COA6: variants seen among roughly 807,000 people sequenced by gnomAD.
COA6 encodes cytochrome c oxidase assembly factor 6 homolog.
Under a neutral mutation model 17.1 loss-of-function variants are expected in COA6, and 12 were observed. The observed-to-expected ratio is 0.70, with a 90% CI of 0.45 to 1.14. COA6 has a LOEUF of 1.14. COA6 is among the 50% of genes most tolerant of loss of function. The pLI is 0.00. For synonymous variants in COA6, 90 were observed against 73.4 expected (o/e 1.23, Z -1.16); for missense variants, 246 against 196.5 (o/e 1.25, Z -1.51).
Position 234,376,442 on chromosome 1 carries a change from ACT to A in COA6, c.372+2056_372+2057del, listed in dbSNP as rs146416567. 1.9e-3 allele frequency among the ~76,000 whole-genome samples: 296 copies of A among 151,924 alleles called. 1 individual carries two copies. The highest frequency in any genetic ancestry group is 7.0e-3 in the African/African-American group (292 of 41,422). ...AACATGAATTGAGTACATCCTCTAC[ACT>A]CTACACTCTACACACTTGAAATGTG... On this transcript the variant is annotated intron_variant, in intron 2 of 2. Transcript: ENST00000366615.
Position 234,374,394 on chromosome 1 carries a change from G to T in COA6, c.372+5G>T, listed in dbSNP as rs1321640714. ...TCAAGTTGTCCCCAACAGTGGGTAA[G>T]TCACACTTTGATGTGTTTCTCTTCC... On this transcript the variant is annotated splice_donor_5th_base_variant and intron_variant, in intron 2 of 2. Transcript: ENST00000366615. 2 of 1,613,892 alleles carry T rather than the reference G, an allele frequency of 1.2e-6. No individual in the cohort carries two copies. Among genetic ancestry groups the T allele is most frequent in the Admixed American group, 3.3e-5 (2 of 59,966 alleles).
chr1:234,379,476 G>T (rs1658908055), intron 2 of COA6, among the ~76,000 whole-genome samples: 1 of 152,148 alleles, frequency 6.6e-6, no homozygotes, highest in Non-Finnish European at 1.5e-5. Context: ...AGGAACAGAG[G>T]CCATGGTATT....
At chr1:234,373,978 C>T (rs1658699801) in intron 1 of COA6, 6 of 1,135,970 alleles carry the variant, frequency 5.3e-6, no homozygotes, top group Admixed American at 5.4e-5. Flanking sequence ...TGAGCCCACG[C>T]TGCCGCCCCA....
intron 2 of COA6, among the ~76,000 whole-genome samples, chr1:234,381,125 A>G (rs1317341511): frequency 1.3e-5 from 2 of 152,234 alleles, no homozygotes. Context: ...CTTTGATCTT[A>G]ATATCAAATT....
At chr1:234,375,479 A>G (rs144291398) in intron 2 of COA6, among the ~76,000 whole-genome samples, 15 of 152,258 alleles carry the variant, frequency 9.9e-5, no homozygotes, top group African/African-American at 3.4e-4. Context: ...AAAATATACC[A>G]TGTAGTTGGA....
rs1157423301 is a variant in COA6 at position 234,373,727 on chromosome 1, G to A, written c.212+49G>A. 1.9e-6 allele frequency: 3 copies of A among 1,613,770 alleles called. No homozygotes were observed. In the African/African-American group the frequency reaches 4.0e-5, roughly 22 times the overall value. Reference sequence around the variant, plus strand: ...TGGGGCGCGCGTGGACTATGGGCCCGGGAGGTCCCTTACTGTCCCCGAGCC... The same window carrying A: ...TGGGGCGCGCGTGGACTATGGGCCCAGGAGGTCCCTTACTGTCCCCGAGCC... On this transcript the variant is annotated intron_variant, in intron 1 of 2. Coordinates refer to ENST00000366615, the MANE Select transcript of COA6 (RefSeq NM_001206641.3).
chr1:234,374,446 G>T, intron 2 of COA6, 57 bp downstream of exon 2: 1 of 1,563,614 alleles, frequency 6.4e-7, no homozygotes. Context: ...AGCTTATACT[G>T]TGAGTGGTAG....
intron 1 of COA6, 110 bp from the exon 2 acceptor site, chr1:234,374,120 T>C (rs1175866709): frequency 2.7e-6 from 3 of 1,096,286 alleles, no homozygotes; most frequent in South Asian, 3.4e-5. Context: ...TTGTTTTTTT[T>C]TTTTTTTTTA....
chr1:234,374,316 A>T lies in COA6; in HGVS notation c.299A>T (p.Asp100Val). The T allele has an allele frequency of 4.3e-6, 7 of 1,614,104 alleles. No homozygotes were observed. The highest frequency in any genetic ancestry group is 5.9e-6 in the Non-Finnish European group (7 of 1,180,020). Residue 100 changes from aspartate to valine, a missense_variant, in exon 2 of 3, where the codon GAT becomes GTT. Coordinates refer to ENST00000366615, the MANE Select transcript of COA6 (RefSeq NM_001206641.3). Reference sequence around the variant, plus strand: ...CGGGATGAGTACTGGAAGTGTTTAGATGAGAACTTAGAGGATGCTTCTCAA... The same window carrying T: ...CGGGATGAGTACTGGAAGTGTTTAGTTGAGAACTTAGAGGATGCTTCTCAA... ...GARDEYWKCL[D>V]ENLEDASQCK... is the part of the protein sequence containing the mutation.
intron 2 of COA6, among the ~76,000 whole-genome samples, chr1:234,380,670 G>T (rs949987185): frequency 2.0e-5 from 3 of 152,154 alleles, no homozygotes; most frequent in African/African-American, 4.8e-5. Flanking sequence ...GTTCTCTCTC[G>T]TACTCACATA....
intron 2 of COA6, among the ~76,000 whole-genome samples, chr1:234,375,599 G>T (rs1658769071): frequency 6.6e-6 from 1 of 152,192 alleles, no homozygotes. Flanking sequence ...GCAGGGAGGG[G>T]TCGTATTGGT....
chr1:234,382,564 A>G (rs1332688397), intron 2 of COA6, among the ~76,000 whole-genome samples: 1 of 152,260 alleles, frequency 6.6e-6, no homozygotes, highest in Non-Finnish European at 1.5e-5. Flanking sequence ...TGATTGATAC[A>G]GCACAGGGCA....
Position 234,373,841 on chromosome 1 carries a change from G to T in COA6, c.212+163G>T, listed in dbSNP as rs947861426. On this transcript the variant is annotated intron_variant, in intron 1 of 2. Coordinates refer to ENST00000366615, the MANE Select transcript of COA6 (RefSeq NM_001206641.3). ...ACACACCTGTTTCTACAGCGCTTAGGTTCGAACAGTAACCCTGTAAACTAG... is the reference window on the plus strand; with the variant it reads ...ACACACCTGTTTCTACAGCGCTTAGTTTCGAACAGTAACCCTGTAAACTAG... 7 of 1,613,190 alleles carry T rather than the reference G, an allele frequency of 4.3e-6. No homozygotes were observed. Among genetic ancestry groups the T allele is most frequent in the Non-Finnish European group, 5.9e-6 (7 of 1,179,894 alleles).
Position 234,383,064 on chromosome 1 carries a change from G to GA in COA6, c.373-658dup, listed in dbSNP as rs1553268861. 2.5e-4 allele frequency among the ~76,000 whole-genome samples: 28 copies of GA among 112,418 alleles called. 1 individual carries two copies. The highest frequency in any genetic ancestry group is 3.5e-4 in the Non-Finnish European group (18 of 51,978). The allele number at this position is 112,418 out of a possible 152,430, so 73.8% of individuals were successfully genotyped here. On this transcript the variant is annotated intron_variant, in intron 2 of 2. Coordinates refer to ENST00000366615, the MANE Select transcript of COA6 (RefSeq NM_001206641.3). The stretch of plus-strand genomic sequence containing the variant: ...GGAGGGAGGGAGGGAGGGAGGGAGG[G>GA]AGGGAAGGGAATGGAAGGAAGGGAA...
chr1:234,380,463 G>C (rs1205243620), intron 2 of COA6, among the ~76,000 whole-genome samples: 1 of 152,130 alleles, frequency 6.6e-6, no homozygotes, highest in African/African-American at 2.4e-5. Context: ...AGTAGAGAGA[G>C]GATTTGAATG....
intron 2 of COA6, among the ~76,000 whole-genome samples, chr1:234,376,308 C>T (rs1658790477): frequency 6.6e-6 from 1 of 152,146 alleles, no homozygotes; most frequent in Non-Finnish European, 1.5e-5. Flanking sequence ...GTTTTTACAA[C>T]CAGCCATTTG....
intron 2 of COA6, among the ~76,000 whole-genome samples, chr1:234,379,751 G>A (rs1658915386): frequency 6.6e-6 from 1 of 152,190 alleles, no homozygotes; most frequent in South Asian, 2.1e-4. Context: ...AAGGCGGCAG[G>A]AAGGAGAAGT....
rs894874793 is a variant in COA6, at chr1:234,373,601, C to T, written c.135C>T (p.Leu45=). 6.2e-7 allele frequency: 1 copy of T among 1,612,578 alleles called. No homozygotes were observed. The highest frequency in any genetic ancestry group is 1.3e-5 in the African/African-American group (1 of 74,940). ...PCSGRTRHRA[L]HRRLVACVTV... is the part of the protein sequence containing the mutation. ...GTGGCAGGACTCGGCACCGCGCCCT[C>T]CACCGCCGGTTGGTGGCCTGCGTGA... Residue 45 remains leucine, a synonymous_variant, in exon 1 of 3, where the codon CTC becomes CTT. Transcript: ENST00000366615.
rs1371995971 is a variant in COA6, at chr1:234,384,732, C to A, written c.*914C>A. On this transcript the variant is annotated 3_prime_UTR_variant, in exon 3 of 3. Coordinates refer to ENST00000366615, the MANE Select transcript of COA6 (RefSeq NM_001206641.3). ...TGGGTTCTGCATCCATGGATTCAAC[C>A]CCGAAGAGAAAATTTTTGGGAAAAG... Among the ~76,000 whole-genome samples, 1 of 151,982 alleles carries A rather than the reference C, an allele frequency of 6.6e-6. No homozygotes were observed. Among genetic ancestry groups the A allele is most frequent in the African/African-American group, 2.4e-5 (1 of 41,364 alleles).
Sources: allele counts gnomAD v4.1 joint callset (sites outside exome capture counted in the v4.1 genomes callset), GRCh38; gene constraint gnomAD v4.1.1; transcripts MANE v1.5; gene names NCBI Gene and HGNC (gene_info 2026-07-23, HGNC 2026-07-21).